Variants in KDM4C observed in about 807,000 individuals in gnomAD.
The protein encoded by KDM4C is lysine-specific demethylase 4C.
KDM4C carries 81 observed loss-of-function variants against 129.3 expected under a neutral mutation model. That is an observed-to-expected ratio of 0.63 (90% CI 0.52 to 0.75). The LOEUF (loss-of-function observed/expected upper bound fraction) is 0.75, where lower values mean the gene tolerates loss of function less well. KDM4C is among the 30% of genes least tolerant of loss of function. KDM4C has a pLI of 0.00. For missense variants in KDM4C, 1,457 were observed against 1,304.0 expected (o/e 1.12, Z -1.81); for synonymous variants, 573 against 456.1 (o/e 1.26, Z -3.26).
At chr9:7,128,790 G>A (rs1012651848) in intron 19 of KDM4C, among the ~76,000 whole-genome samples, 10 of 151,876 alleles carry the variant, frequency 6.6e-5, no homozygotes, top group African/African-American at 1.4e-4. Flanking sequence ...GTGTGCGTGC[G>A]CGTGTGTGTG....
intron 5 of KDM4C, among the ~76,000 whole-genome samples, chr9:6,867,102 G>A (rs534429150): frequency 6.0e-5 from 9 of 149,256 alleles, no homozygotes; most frequent in African/African-American, 2.0e-4. Flanking sequence ...TGCAACCTCC[G>A]CCTGCCGGGT....
At chr9:6,834,486 G>C in intron 4 of KDM4C, 2 of 606,560 alleles carry the variant, frequency 3.3e-6, no homozygotes, top group Admixed American at 2.1e-5. Context: ...GCCCGTCGTC[G>C]ACAACGGCTC....
upstream of KDM4C, among the ~76,000 whole-genome samples, chr9:6,754,244 C>T (rs1472145248): frequency 7.3e-5 from 11 of 150,954 alleles, no homozygotes. Context: ...TGGAGTTTTG[C>T]TCTTGTCATC....
intron 17 of KDM4C, among the ~76,000 whole-genome samples, chr9:7,070,170 A>G (rs563544044): frequency 1.3e-5 from 2 of 152,374 alleles, no homozygotes; most frequent in South Asian, 4.1e-4. Flanking sequence ...AACTCACCCA[A>G]CAAGAAATAG....
chr9:6,918,718 C>G (rs1191066669), intron 8 of KDM4C, among the ~76,000 whole-genome samples: 1 of 152,128 alleles, frequency 6.6e-6, no homozygotes, highest in Admixed American at 6.6e-5. Flanking sequence ...GGAATTCTGA[C>G]TGGTTTGAGA....
At chr9:6,744,448 C>T (rs7048014) in intron 1 of KDM4C, among the ~76,000 whole-genome samples, 23,114 of 152,066 alleles carry the variant, frequency 0.15, 1,829 homozygotes, top group East Asian at 0.22. Context: ...TTGCTTGAAC[C>T]TGGGAGGCGG....
intron 11 of KDM4C, 43 bp downstream of exon 11, chr9:6,986,709 G>C (rs933245088): frequency 1.4e-6 from 2 of 1,385,426 alleles, no homozygotes; most frequent in African/African-American, 1.4e-5. Flanking sequence ...ATTATATGGT[G>C]AGAGCACATT....
chr9:6,786,826 T>G (rs1564002319), intron 1 of KDM4C, among the ~76,000 whole-genome samples: 1 of 152,092 alleles, frequency 6.6e-6, no homozygotes, highest in African/African-American at 2.4e-5. Context: ...GAAAAAGAAA[T>G]GCAAATGGCT....
At chr9:7,129,188 T>G (rs1478666490) in intron 19 of KDM4C, among the ~76,000 whole-genome samples, 1 of 152,212 alleles carries the variant, frequency 6.6e-6, no homozygotes, top group Non-Finnish European at 1.5e-5. Context: ...TTTTTAATAG[T>G]CATAATTGTG....
intron 8 of KDM4C, among the ~76,000 whole-genome samples, chr9:6,906,333 T>C (rs1818299293): frequency 6.6e-6 from 1 of 152,206 alleles, no homozygotes; most frequent in South Asian, 2.1e-4. Flanking sequence ...CTCCACAGGG[T>C]AAACCTCTCC....
intron 12 of KDM4C, among the ~76,000 whole-genome samples, chr9:7,008,374 C>T (rs1032267852): frequency 6.6e-6 from 1 of 152,170 alleles, no homozygotes; most frequent in Non-Finnish European, 1.5e-5. Flanking sequence ...TCCAGACCAG[C>T]ACCCACGGAG....
At chr9:7,170,707 T>TG in intron 21 of KDM4C, 1 of 977,746 alleles carries the variant, frequency 1.0e-6, no homozygotes, top group Non-Finnish European at 1.2e-6. Flanking sequence ...TAAAATGAAA[T>TG]TTTTTTTCTG....
chr9:6,839,166 T>G (rs1173245817), intron 4 of KDM4C, among the ~76,000 whole-genome samples: 1 of 152,190 alleles, frequency 6.6e-6, no homozygotes, highest in Non-Finnish European at 1.5e-5. Flanking sequence ...AGTCTTCTAA[T>G]GTGGGCTTGG....
chr9:7,067,176 A>T (rs1451378514), intron 17 of KDM4C, among the ~76,000 whole-genome samples: 1 of 152,184 alleles, frequency 6.6e-6, no homozygotes, highest in Non-Finnish European at 1.5e-5. Context: ...TCAAAACTCC[A>T]TTTATCTTAG....
chr9:6,818,303 G>T (rs1225311176), intron 4 of KDM4C, among the ~76,000 whole-genome samples: 1 of 152,144 alleles, frequency 6.6e-6, no homozygotes, highest in African/African-American at 2.4e-5. Context: ...GTATTACATG[G>T]TGGATTTTTG....
At chr9:6,812,989 A>G (rs1831437000) in intron 3 of KDM4C, among the ~76,000 whole-genome samples, 1 of 152,132 alleles carries the variant, frequency 6.6e-6, no homozygotes, top group Non-Finnish European at 1.5e-5. Flanking sequence ...CAGCCTGACC[A>G]ACATGGAGAA....
At chr9:7,045,762 T>C (rs1299647843) in intron 15 of KDM4C, among the ~76,000 whole-genome samples, 1 of 152,054 alleles carries the variant, frequency 6.6e-6, no homozygotes, top group Non-Finnish European at 1.5e-5. Context: ...TGGACATTTC[T>C]AGTTGTTTGC....
chr9:6,921,508 C>G (rs138183203), intron 8 of KDM4C, among the ~76,000 whole-genome samples: 1 of 152,350 alleles, frequency 6.6e-6, no homozygotes, highest in East Asian at 1.9e-4. Context: ...TCTGTTGGCT[C>G]TAGAATCTCT....
intron 1 of KDM4C, among the ~76,000 whole-genome samples, chr9:6,762,184 G>A (rs1819683642): frequency 6.6e-6 from 1 of 152,172 alleles, no homozygotes. Context: ...GTGCCATGTT[G>A]GTTTGCTGCA....
Sources: gnomAD v4.1 joint callset for allele counts (sites outside exome capture counted in the v4.1 genomes callset) on GRCh38, gnomAD v4.1.1 for gene constraint, MANE v1.5 for transcripts, NCBI Gene and HGNC (gene_info 2026-07-23, HGNC 2026-07-21) for gene names.